The following CCDC102B variants were observed in gnomAD, a reference collection of about 807,000 sequenced individuals.
The protein encoded by CCDC102B is coiled-coil domain containing 102B, also known as coiled-coil domain-containing protein 102B.
CCDC102B carries 75 observed loss-of-function variants against 57.4 expected under a neutral mutation model. The observed-to-expected ratio is 1.31, with a 90% CI of 1.08 to 1.58. The LOEUF (loss-of-function observed/expected upper bound fraction) is 1.58. Among genes scored for constraint, CCDC102B ranks in the 40% most tolerant of loss-of-function variants. The pLI is 0.00. For missense variants in CCDC102B, 636 were observed against 582.6 expected (o/e 1.09, Z -0.94); for synonymous variants, 206 against 201.9 (o/e 1.02, Z -0.17).
exon 1 of CCDC102B, chr18:68,715,239 C>G (rs971790186): frequency 1.5e-6 from 2 of 1,337,566 alleles, no homozygotes; most frequent in Admixed American, 7.4e-5. Context: ...GCTCTCGGTG[C>G]CCCCCTCCAC....
chr18:69,001,499 A>G (rs1226814910), intron 6 of CCDC102B, among the ~76,000 whole-genome samples: 1 of 152,140 alleles, frequency 6.6e-6, no homozygotes, highest in Non-Finnish European at 1.5e-5. Flanking sequence ...AGGGAAAAAA[A>G]AAAAAAGAAT....
chr18:68,982,706 G>A lies in CCDC102B; in HGVS notation c.1264-28228G>A, dbSNP rs187362912. Among the ~76,000 whole-genome samples, 722 of 151,554 alleles carry A rather than the reference G, an allele frequency of 4.8e-3. 12 individuals carry two copies. The highest frequency in any genetic ancestry group is 0.016 in the African/African-American group (664 of 41,338). ...AATAATTTCAATTTTTTGTTGCTAA[G>A]CCAGTTTGCTTTCCTCATTGTATTT... On this transcript the variant is annotated intron_variant, in intron 6 of 7. Transcript: ENST00000360242.
At chr18:68,883,079 C>T (rs1476020747) in intron 5 of CCDC102B, among the ~76,000 whole-genome samples, 2 of 152,140 alleles carry the variant, frequency 1.3e-5, no homozygotes, top group Non-Finnish European at 2.9e-5. Context: ...CCCCATGACA[C>T]ATGTTTACTT....
At chr18:68,885,510 A>G (rs2039852716) in intron 5 of CCDC102B, among the ~76,000 whole-genome samples, 1 of 152,072 alleles carries the variant, frequency 6.6e-6, no homozygotes, top group African/African-American at 2.4e-5. Flanking sequence ...AGATAAATAA[A>G]TGAGCACATA....
chr18:69,011,158 G>C (rs989329173), intron 7 of CCDC102B, 54 bp downstream of exon 7: 11 of 1,419,034 alleles, frequency 7.8e-6, no homozygotes, highest in Non-Finnish European at 1.1e-5. Flanking sequence ...GTATTTTAGA[G>C]CATATCTAAA....
intron 2 of CCDC102B, among the ~76,000 whole-genome samples, chr18:68,732,510 A>G (rs368798240): frequency 1.1e-3 from 169 of 151,698 alleles, no homozygotes; most frequent in African/African-American, 3.8e-3. Flanking sequence ...ATGCTCAGCT[A>G]ATTTTTTTTT....
intron 2 of CCDC102B, among the ~76,000 whole-genome samples, chr18:68,743,252 T>G (rs962211388): frequency 6.9e-6 from 1 of 144,196 alleles, no homozygotes; most frequent in African/African-American, 2.7e-5. Context: ...AATAAATAAA[T>G]AAAAAATTAG....
chr18:68,846,701 G>T (rs1020416233), intron 4 of CCDC102B, among the ~76,000 whole-genome samples: 3 of 151,700 alleles, frequency 2.0e-5, no homozygotes, highest in Non-Finnish European at 4.4e-5. Flanking sequence ...ATATAAAAAT[G>T]ATGTTTTGAT....
At chr18:68,753,427 TA>T (rs2033937212) in intron 2 of CCDC102B, 2 of 152,124 alleles carry the variant, frequency 1.3e-5, no homozygotes, top group Non-Finnish European at 2.9e-5. Flanking sequence ...TGATACAAAT[TA>T]GTTAACAAGC....
chr18:68,896,744 A>G (rs1008152607), intron 5 of CCDC102B, among the ~76,000 whole-genome samples: 3 of 151,996 alleles, frequency 2.0e-5, no homozygotes, highest in Non-Finnish European at 2.9e-5. Flanking sequence ...CTTTTTGGCA[A>G]CTGCAAATGT....
chr18:68,801,527 A>AT (rs1011173617), intron 1 of CCDC102B, among the ~76,000 whole-genome samples: 2 of 152,076 alleles, frequency 1.3e-5, no homozygotes, highest in Admixed American at 6.6e-5. Context: ...TGATAGAAGG[A>AT]TTTTTTTAGT....
At chr18:69,012,775 T>G (rs1295654277) in intron 7 of CCDC102B, among the ~76,000 whole-genome samples, 2 of 152,114 alleles carry the variant, frequency 1.3e-5, no homozygotes, top group Non-Finnish European at 2.9e-5. Flanking sequence ...TCTATATGGG[T>G]AGAAAGTCGT....
intron 4 of CCDC102B, among the ~76,000 whole-genome samples, chr18:68,855,156 A>G (rs944671515): frequency 3.3e-5 from 5 of 152,194 alleles, no homozygotes; most frequent in Admixed American, 6.5e-5. Context: ...GCAGCATCAC[A>G]TGTTCAAGCC....
intron 6 of CCDC102B, among the ~76,000 whole-genome samples, chr18:69,006,585 CTTTTTTTTTTTTTTT>C (rs200615759): frequency 0.89 from 119,950 of 135,002 alleles, 53,378 homozygotes; most frequent in Non-Finnish European, 0.97. Flanking sequence ...CCACACAGGG[CTTTTTTTTTTTTTTT>C]TTTTTTTTTT....
intron 6 of CCDC102B, among the ~76,000 whole-genome samples, chr18:68,972,895 G>T (rs1174018942): frequency 6.6e-6 from 1 of 152,100 alleles, no homozygotes; most frequent in Non-Finnish European, 1.5e-5. Flanking sequence ...GACTTCTGAA[G>T]ATCTGCAATA....
At chr18:68,721,792 A>G (rs1599368720) in intron 2 of CCDC102B, among the ~76,000 whole-genome samples, 1 of 152,224 alleles carries the variant, frequency 6.6e-6, no homozygotes, top group Admixed American at 6.5e-5. Flanking sequence ...TGCAAACTGA[A>G]GGCAAGCTGA....
chr18:68,810,696 T>TTTTTTTTTTTTTTTTTTG, intron 1 of CCDC102B, among the ~76,000 whole-genome samples: 1 of 144,994 alleles, frequency 6.9e-6, no homozygotes, highest in African/African-American at 2.6e-5. Context: ...TTTTTTTTTT[T>TTTTTTTTTTTTTTTTTTG]TTTTTTTTTT....
chr18:68,917,949 T>C (rs2041134513), intron 6 of CCDC102B, among the ~76,000 whole-genome samples: 1 of 152,146 alleles, frequency 6.6e-6, no homozygotes, highest in Non-Finnish European at 1.5e-5. Flanking sequence ...ACCTATTTTA[T>C]TTGCCTTATG....
chr18:68,852,460 AT>A (rs564955857), intron 4 of CCDC102B, among the ~76,000 whole-genome samples: 19 of 152,278 alleles, frequency 1.2e-4, no homozygotes, highest in African/African-American at 4.6e-4. Context: ...ACAGCCTCTC[AT>A]ATACTTACAT....
Sources: gnomAD v4.1 joint callset for allele counts (sites outside exome capture counted in the v4.1 genomes callset) on GRCh38, gnomAD v4.1.1 for gene constraint, MANE v1.5 for transcripts, NCBI Gene and HGNC (gene_info 2026-07-23, HGNC 2026-07-21) for gene names.